The following SHKBP1 variants were observed in gnomAD, a reference collection of about 807,000 sequenced individuals.
SHKBP1 encodes the protein SH3KBP1-binding protein 1.
A neutral mutation model predicts 83.9 loss-of-function variants in SHKBP1; 71 were observed. The ratio of observed to expected loss-of-function variants is 0.85; its 90% CI spans 0.70 to 1.03. The LOEUF is 1.03. Ranked by LOEUF, SHKBP1 falls within the 50% of genes least tolerant of loss-of-function variation. The pLI is 0.00. For missense variants in SHKBP1, 824 were observed against 982.4 expected, an observed-to-expected ratio of 0.84 and a Z score of 2.16; for synonymous variants, 371 against 398.0, an observed-to-expected ratio of 0.93 and a Z score of 0.81.
At chr19:40,581,779 G>A (rs938439990) in intron 9 of SHKBP1, among the ~76,000 whole-genome samples, 1 of 152,140 alleles carries the variant, frequency 6.6e-6, no homozygotes, top group Non-Finnish European at 1.5e-5. Context: ...CTCAGCCCTC[G>A]TAAGAATCCC....
intron 13 of SHKBP1, 85 bp downstream of exon 13, chr19:40,587,029 G>A (rs2081318283): frequency 3.9e-6 from 5 of 1,284,626 alleles, no homozygotes; most frequent in Non-Finnish European, 5.4e-6. Context: ...TTCCACTGGG[G>A]AGGGACATTG....
chr19:40,591,150 C>T lies in SHKBP1; in HGVS notation c.2067C>T (p.Ser689=), dbSNP rs768569466. ...RPPTPAPWPS[S]GLGTPLTPPK... ...CCACACCAGCCCCGTGGCCCTCCAGCGGTCTCGGCACTCCCCTCACACCTC... is the reference window on the plus strand; with the variant it reads ...CCACACCAGCCCCGTGGCCCTCCAGTGGTCTCGGCACTCCCCTCACACCTC... The change falls in exon 18 of 18, where the codon AGC becomes AGT. Residue 689 remains serine (S), a synonymous_variant. Transcript: ENST00000291842. The T allele has an allele frequency of 1.2e-5, 20 of 1,604,270 alleles. No individual in the cohort carries two copies. The highest frequency in any genetic ancestry group is 8.8e-5 in the South Asian group (8 of 90,660).
chr19:40,581,498 G>C (rs761432389), intron 9 of SHKBP1, among the ~76,000 whole-genome samples: 2 of 148,948 alleles, frequency 1.3e-5, no homozygotes, highest in Non-Finnish European at 3.0e-5. Context: ...CTGAGCGACA[G>C]AGTGGACAGA....
At chr19:40,577,133 G>C (rs2081221145) in intron 1 of SHKBP1, 98 bp from the exon 2 acceptor site, 1 of 1,489,174 alleles carries the variant, frequency 6.7e-7, no homozygotes, top group South Asian at 1.2e-5. Flanking sequence ...AACGCCGGGG[G>C]AGGGGGAAGG....
Position 40,590,522 on chromosome 19 carries a change from C to T in SHKBP1, c.1768+100C>T, listed in dbSNP as rs543065147. On this transcript the variant is annotated intron_variant, in intron 16 of 17. Transcript: ENST00000291842. The surrounding 1 kb of genome is among the most constrained non-coding windows in gnomAD (Gnocchi z 4.6). The stretch of plus-strand genomic sequence containing the variant: ...TTGATCTCTCTCCCAGGCCCTTGCC[C>T]TCTGACCCCTTTTCCTTTGACCCCC... The T allele has an allele frequency of 1.4e-6, 2 of 1,401,572 alleles. No individual in the cohort carries two copies. The highest frequency in any genetic ancestry group is 2.4e-5 in the East Asian group (1 of 42,194). The allele number at this position is 1,401,572 out of a possible 1,614,324, so 86.8% of individuals were successfully genotyped here. A position where few individuals can be genotyped will look rare whatever the true frequency, so the allele number is the denominator to read the frequency against.
chr19:40,586,643 G>T (rs1032254379), intron 12 of SHKBP1, 131 bp from the exon 13 acceptor site: 7 of 911,178 alleles, frequency 7.7e-6, no homozygotes, highest in African/African-American at 1.7e-5. Context: ...ATGGGATTAC[G>T]GCGTGAGCCA....
chr19:40,587,172 A>G (rs2081319436), intron 13 of SHKBP1, among the ~76,000 whole-genome samples: 2 of 152,112 alleles, frequency 1.3e-5, no homozygotes, highest in Admixed American at 6.6e-5. Context: ...CAATTCAGCA[A>G]CGATTTACGG....
chr19:40,580,354 G>C lies in SHKBP1; in HGVS notation c.431G>C (p.Ser144Thr), dbSNP rs1164227631. Reference protein sequence around the residue: ...VFPVKRRNRHSLVGPQQLGGR... With the variant: ...VFPVKRRNRHTLVGPQQLGGR... Reference sequence around the variant, plus strand: ...CCAGTGAAGCGGCGGAACCGGCACAGCCTAGTGGGGCCTCAGCAGCTAGGA... The same window carrying C: ...CCAGTGAAGCGGCGGAACCGGCACACCCTAGTGGGGCCTCAGCAGCTAGGA... Residue 144 changes from serine to threonine, a missense_variant, in exon 7 of 18, where the codon AGC (serine) becomes ACC (threonine). Coordinates refer to ENST00000291842, the MANE Select transcript of SHKBP1 (RefSeq NM_138392.4). The C allele has an allele frequency of 1.9e-6, 3 of 1,614,216 alleles. No individual in the cohort carries two copies. The East Asian group carries it at 6.7e-5, about 36-fold the overall frequency.
chr19:40,586,171 C>T (rs1407184968), intron 12 of SHKBP1, among the ~76,000 whole-genome samples: 2 of 151,796 alleles, frequency 1.3e-5, no homozygotes, highest in Admixed American at 1.3e-4. Context: ...GGCCTCTGTT[C>T]TCTGTTTTAC....
Position 40,590,730 on chromosome 19 carries a change from C to A in SHKBP1, c.1769C>A (p.Ala590Glu). Residue 590 changes from alanine to glutamate, a missense_variant and splice_region_variant, in exon 17 of 18, where the codon GCA becomes GAA. Ala to Glu is a moderately radical substitution (Grantham distance 107, BLOSUM62 -1). Coordinates refer to ENST00000291842, the MANE Select transcript of SHKBP1 (RefSeq NM_138392.4). The surrounding 1 kb of genome is among the most constrained non-coding windows in gnomAD (Gnocchi z 4.6). ...CTGACCCTGCTTCCGTGCCCCCCAG[C>A]AGGTGGCCTGACGGAGCAAGAGCTG... ...TAMDGLGQAP[A>E]GGLTEQELME... is the part of the protein sequence containing the mutation. 1 of 1,587,298 alleles carries A rather than the reference C, an allele frequency of 6.3e-7. No homozygotes were observed. Among genetic ancestry groups the A allele is most frequent in the Non-Finnish European group, 8.6e-7 (1 of 1,161,292 alleles).
intron 15 of SHKBP1, 71 bp downstream of exon 15, chr19:40,589,249 G>T: frequency 7.0e-7 from 1 of 1,426,018 alleles, no homozygotes. Flanking sequence ...AGGGGAGAAG[G>T]CAAGATGCTA....
chr19:40,584,866 C>T (rs1266883797), intron 12 of SHKBP1, among the ~76,000 whole-genome samples: 1 of 152,164 alleles, frequency 6.6e-6, no homozygotes, highest in Non-Finnish European at 1.5e-5. Flanking sequence ...ATGGATTTGC[C>T]TGTTCTGGAC....
At position 40,590,702 on chromosome 19, in the gene SHKBP1, C is replaced by T. The variant is rs2081351445; in HGVS notation, c.1769-28C>T. ...CCTTGCCCTATGACCCCTGTCTTGC[C>T]CCCTGACCCTGCTTCCGTGCCCCCC... On this transcript the variant is annotated intron_variant, in intron 16 of 17. Transcript: ENST00000291842. This position sits in a 1 kb window ranked among gnomAD's most constrained non-coding sequence, Gnocchi z 4.6. 1.3e-6 allele frequency: 2 copies of T among 1,556,900 alleles called. 1 individual carries two copies. Among genetic ancestry groups the T allele is most frequent in the Non-Finnish European group, 1.7e-6 (2 of 1,146,948 alleles).
In SHKBP1 at chr19:40,583,660, C is replaced by G; in HGVS notation, c.1108C>G (p.Arg370Gly). The change falls in exon 12 of 18, where the codon CGG becomes GGG. Residue 370 changes from arginine to glycine, a missense_variant. Arg to Gly is a moderately radical substitution (Grantham distance 125). Transcript: ENST00000291842. ...CGACCTCCTTGTCAGCGAGCTCTAT[C>G]GGGACCCAGCGGAGGATGGGGTCAC... is the stretch of plus-strand genomic sequence containing the variant. ...DNDLLVSELYRDPAEDGVTAL... is the reference protein window; with the variant it reads ...DNDLLVSELYGDPAEDGVTAL... 6.2e-7 allele frequency: 1 copy of G among 1,602,894 alleles called. No homozygotes were observed. Among genetic ancestry groups the G allele is most frequent in the South Asian group, 1.1e-5 (1 of 90,876 alleles).
At chr19:40,584,048 C>T (rs914660663) in intron 12 of SHKBP1, among the ~76,000 whole-genome samples, 1 of 152,106 alleles carries the variant, frequency 6.6e-6, no homozygotes, top group Non-Finnish European at 1.5e-5. Context: ...ACCATGTTGG[C>T]CAGGCTGGTC....
chr19:40,581,717 C>G (rs1001483674), intron 9 of SHKBP1, among the ~76,000 whole-genome samples: 1 of 152,076 alleles, frequency 6.6e-6, no homozygotes, highest in African/African-American at 2.4e-5. Flanking sequence ...AAGACCCTGT[C>G]TCAAAGCCAC....
intron 14 of SHKBP1, 143 bp downstream of exon 14, chr19:40,588,922 A>G: frequency 1.5e-6 from 2 of 1,297,590 alleles, no homozygotes; most frequent in Non-Finnish European, 2.1e-6. Flanking sequence ...CCTGAGCTCC[A>G]CTGACTGCCA....
chr19:40,583,424 T>A lies in SHKBP1; in HGVS notation c.987T>A (p.Ser329Arg). 6.3e-7 allele frequency: 1 copy of A among 1,598,214 alleles called. No individual in the cohort carries two copies. The highest frequency in any genetic ancestry group is 8.5e-7 in the Non-Finnish European group (1 of 1,172,378). The part of the protein sequence containing the change: ...WQVQEVQPIT[S>R]YDAAGSFLLL... ...TCCAGGAGGTGCAGCCCATCACCAG[T>A]TATGACGCGGCAGGCTCCTTCCTCC... Residue 329 changes from serine (S) to arginine (R), a missense_variant, in exon 11 of 18, where the codon AGT becomes AGA. By Grantham distance (110) the Ser-to-Arg change is moderately radical. Coordinates refer to ENST00000291842, the MANE Select transcript of SHKBP1 (RefSeq NM_138392.4).
intron 12 of SHKBP1, among the ~76,000 whole-genome samples, chr19:40,584,202 G>A (rs1332232479): frequency 6.6e-6 from 1 of 152,136 alleles, no homozygotes; most frequent in South Asian, 2.1e-4. Flanking sequence ...ATATAAGCAC[G>A]TTCTAGGTGC....
Sources: gnomAD v4.1 joint callset for allele counts (sites outside exome capture counted in the v4.1 genomes callset) on GRCh38, gnomAD v4.1.1 for gene constraint, Gnocchi (gnomAD v3.1) non-coding constraint, MANE v1.5 for transcripts, NCBI Gene and HGNC (gene_info 2026-07-23, HGNC 2026-07-21) for gene names.